TMEM120A: variants seen among roughly 807,000 people sequenced by gnomAD.
The protein encoded by TMEM120A is ion channel TACAN.
Under a neutral mutation model 54.3 loss-of-function variants are expected in TMEM120A, and 45 were observed. The ratio of observed to expected loss-of-function variants is 0.83; its 90% confidence interval spans 0.65 to 1.06. TMEM120A has a LOEUF of 1.06. TMEM120A is among the 50% of genes least tolerant of loss of function. TMEM120A has a pLI of 0.00. For synonymous variants in TMEM120A, 204 were observed against 178.5 expected, an observed-to-expected ratio of 1.14 and a Z score of -1.14; for missense variants, 424 against 441.7, an observed-to-expected ratio of 0.96 and a Z score of 0.36.
chr7:75,990,178 G>C (rs1427564594), intron 3 of TMEM120A, among the ~76,000 whole-genome samples: 2 of 152,092 alleles, frequency 1.3e-5, no homozygotes, highest in African/African-American at 2.4e-5. Context: ...TCCCCACTCA[G>C]CTCGCCATCT....
In TMEM120A at chr7:75,988,414, C is replaced by T. The variant is rs151036667; in HGVS notation, c.473+7G>A. 1.6e-4 allele frequency: 262 copies of T among 1,610,248 alleles called. No individual in the cohort carries two copies. The highest frequency in any genetic ancestry group is 2.0e-4 in the Non-Finnish European group (233 of 1,178,760). ...GGGTGGGTCCTCGGCCGGGGTGGGA[C>T]GCCCACCTGGAGTTGAGCAGGAAGC... On this transcript the variant is annotated splice_region_variant and intron_variant, in intron 5 of 11. Transcript: ENST00000493111.
Position 75,994,498 on chromosome 7 carries a change from T to C in TMEM120A, c.73A>G (p.Asn25Asp), listed in dbSNP as rs1212705862. The C allele has an allele frequency of 1.9e-5, 30 of 1,566,394 alleles. No individual in the cohort carries two copies. Among genetic ancestry groups the C allele is most frequent in the African/African-American group, 2.7e-5 (2 of 73,264 alleles). ...DWEDLQQDFQ[N>D]IQETHRLYRL... is the part of the protein sequence containing the mutation. ...TCCGCAGCGGCGCTAACCTGGATGT[T>C]CTGGAAGTCCTGCTGTAGATCCTCC... The change falls in exon 1 of 12, where the codon AAC becomes GAC. Residue 25 changes from asparagine to aspartate, a missense_variant. Asn to Asp is a conservative substitution (Grantham distance 23). Coordinates refer to ENST00000493111, the MANE Select transcript of TMEM120A (RefSeq NM_031925.3).
chr7:75,993,892 C>T (rs1789940789), intron 1 of TMEM120A, among the ~76,000 whole-genome samples: 1 of 152,162 alleles, frequency 6.6e-6, no homozygotes, highest in African/African-American at 2.4e-5. Flanking sequence ...TTTCCACTGG[C>T]CTCGGAGGGA....
At chr7:75,994,071 G>A (rs1034771054) in intron 1 of TMEM120A, among the ~76,000 whole-genome samples, 1 of 151,798 alleles carries the variant, frequency 6.6e-6, no homozygotes, top group Non-Finnish European at 1.5e-5. Context: ...TGCCTGGGGC[G>A]TCCCCCATCC....
chr7:75,990,919 A>AAAAC (rs1229301163), intron 3 of TMEM120A, among the ~76,000 whole-genome samples: 1 of 149,908 alleles, frequency 6.7e-6, no homozygotes, highest in African/African-American at 2.5e-5. Flanking sequence ...AAAAAAAAAA[A>AAAAC]AGTCTCCTAG....
chr7:75,987,105 G>T lies in TMEM120A; in HGVS notation c.*67C>A. ...CCTGATACACGCACACTCGAGGGGC[G>T]CCTCCCATCCCCTCCCACAACACAC... is the stretch of plus-strand genomic sequence containing the variant. On this transcript the variant is annotated 3_prime_UTR_variant, in exon 12 of 12. Coordinates refer to ENST00000493111, the MANE Select transcript of TMEM120A (RefSeq NM_031925.3). 7.5e-7 allele frequency: 1 copy of T among 1,332,688 alleles called. No homozygotes were observed. Among genetic ancestry groups the T allele is most frequent in the Non-Finnish European group, 1.1e-6 (1 of 947,662 alleles). The allele number at this position is 1,332,688 out of a possible 1,614,324, so 82.6% of individuals were successfully genotyped here.
rs782555331 is a variant in TMEM120A, at chr7:75,988,440, G to A, written c.454C>T (p.Arg152Cys). The A allele has an allele frequency of 3.5e-5, 57 of 1,611,174 alleles. No individual in the cohort carries two copies. The highest frequency in any genetic ancestry group is 4.5e-5 in the East Asian group (2 of 44,674). The part of the protein sequence containing the change: ...IILILISFTC[R>C]FLLNSRVTDA... ...GCCCACCTGGAGTTGAGCAGGAAGC[G>A]GCAAGTGAAGGAGATGAGGATGAGG... is the stretch of plus-strand genomic sequence containing the variant. Residue 152 changes from arginine (R) to cysteine (C), a missense_variant, in exon 5 of 12, where the codon CGC (arginine) becomes TGC (cysteine). Arg to Cys is a radical substitution (Grantham distance 180, BLOSUM62 -3). Coordinates refer to ENST00000493111, the MANE Select transcript of TMEM120A (RefSeq NM_031925.3).
chr7:75,992,059 G>A (rs782026577), intron 3 of TMEM120A, 85 bp downstream of exon 3: 1 of 975,164 alleles, frequency 1.0e-6, no homozygotes, highest in Non-Finnish European at 1.6e-6. Flanking sequence ...GGGAACATTT[G>A]CTGACTATAA....
Position 75,989,237 on chromosome 7 carries a change from G to A in TMEM120A, c.318-13C>T, listed in dbSNP as rs190822795. ...GCTCAGGTACAATCTAGGGAAGGGG[G>A]TGGCGGGGTGAGGAGAAGCCCGAGT... On this transcript the variant is annotated splice_polypyrimidine_tract_variant and intron_variant, in intron 3 of 11. Transcript: ENST00000493111. 1.6e-5 allele frequency: 25 copies of A among 1,551,138 alleles called. No individual in the cohort carries two copies. The highest frequency in any genetic ancestry group is 4.1e-5 in the African/African-American group (3 of 72,970).
At position 75,992,023 on chromosome 7, in the gene TMEM120A, T is replaced by C. The variant is rs1034085797; in HGVS notation, c.317+121A>G. 6.8e-5 allele frequency: 46 copies of C among 674,170 alleles called. No individual in the cohort carries two copies. The African/African-American group carries it at 8.2e-4, about 12-fold the overall frequency. The allele number at this position is 674,170 out of a possible 1,614,324, so 41.8% of individuals were successfully genotyped here. On this transcript the variant is annotated intron_variant, in intron 3 of 11. Transcript: ENST00000493111. Reference sequence around the variant, plus strand: ...TCTCCCCTGAAGTCAGCACTGTGCCTCATTGCTCAGCCTGTACTGGGCCCA... The same window carrying C: ...TCTCCCCTGAAGTCAGCACTGTGCCCCATTGCTCAGCCTGTACTGGGCCCA...
At chr7:75,993,159 CTT>C (rs1413251443) in intron 1 of TMEM120A, among the ~76,000 whole-genome samples, 8 of 152,142 alleles carry the variant, frequency 5.3e-5, no homozygotes, top group East Asian at 3.9e-4. Context: ...AGGACAGACT[CTT>C]TCTCCTACCT....
Position 75,987,276 on chromosome 7 carries a change from A to G in TMEM120A, c.928T>C (p.Cys310Arg), listed in dbSNP as rs782209158. ...PQCKEWQVLMCGFPFLLLFLG... is the reference protein window; with the variant it reads ...PQCKEWQVLMRGFPFLLLFLG... ...AAAAGGAGGAGGAAGGGAAAGCCGC[A>G]CATAAGCACCTGCCGGAGGAATAGG... is the stretch of plus-strand genomic sequence containing the variant. The change falls in exon 12 of 12, where the codon TGC (cysteine) becomes CGC (arginine). Residue 310 changes from cysteine to arginine, a missense_variant. Cys to Arg is a radical substitution (Grantham distance 180). Coordinates refer to ENST00000493111, the MANE Select transcript of TMEM120A (RefSeq NM_031925.3). 1 of 1,600,848 alleles carries G rather than the reference A, an allele frequency of 6.2e-7. No homozygotes were observed. Among genetic ancestry groups the G allele is most frequent in the Non-Finnish European group, 8.5e-7 (1 of 1,174,458 alleles).
In TMEM120A at chr7:75,987,127, A is replaced by C; in HGVS notation, c.*45T>G. 8 of 1,505,932 alleles carry C rather than the reference A, an allele frequency of 5.3e-6. No individual in the cohort carries two copies. The South Asian group carries it at 9.6e-5, about 18-fold the overall frequency. 93.3% of individuals were successfully genotyped at this position (1,505,932 alleles called of 1,614,324 possible). A position where few individuals can be genotyped will look rare whatever the true frequency, so the allele number is the denominator to read the frequency against. ...GGCGCCTCCCATCCCCTCCCACAAC[A>C]CACAGGACAGAAGCCCCTCTGGGCC... On this transcript the variant is annotated 3_prime_UTR_variant, in exon 12 of 12. Transcript: ENST00000493111.
intron 1 of TMEM120A, 67 bp downstream of exon 1, chr7:75,994,423 C>T (rs536909709): frequency 6.9e-7 from 1 of 1,453,768 alleles, no homozygotes; most frequent in East Asian, 2.5e-5. Flanking sequence ...CCAGGGCTGC[C>T]CGACCCTTGA....
Position 75,992,537 on chromosome 7 carries a change from G to A in TMEM120A, c.102C>T (p.Arg34=), listed in dbSNP as rs782556700. 7 of 1,582,412 alleles carry A rather than the reference G, an allele frequency of 4.4e-6. No homozygotes were observed. The African/African-American group carries it at 9.4e-5, about 21-fold the overall frequency. ...GTTTGGTCAGCTCCTCCAGCTTCAG[G>A]CGGTAGAGCCGATGGGTCTCCTGGG... is the stretch of plus-strand genomic sequence containing the variant. The part of the protein sequence containing the change: ...QNIQETHRLY[R]LKLEELTKLQ... The change falls in exon 2 of 12, where the codon CGC becomes CGT. Residue 34 remains arginine, a synonymous_variant. Transcript: ENST00000493111.
rs1326759436 is a variant in TMEM120A, at chr7:75,992,473, T to G, written c.166A>C (p.Lys56Gln). 36 of 1,598,022 alleles carry G rather than the reference T, an allele frequency of 2.3e-5. No homozygotes were observed. The Admixed American group carries it at 2.3e-4, about 10-fold the overall frequency. The stretch of plus-strand genomic sequence containing the variant: ...GCGAGGGCCAGCTCCTGGAGCCGCT[T>G]CTTCTGCCGCGTGATGGAGCTGGTG... Reference protein sequence around the residue: ...NCTSSITRQKKRLQELALALK... With the variant: ...NCTSSITRQKQRLQELALALK... The change falls in exon 2 of 12, where the codon AAG becomes CAG. Residue 56 changes from lysine to glutamine, a missense_variant. Coordinates refer to ENST00000493111, the MANE Select transcript of TMEM120A (RefSeq NM_031925.3).
chr7:75,992,296 A>G, intron 2 of TMEM120A, 36 bp from the exon 3 acceptor site: 1 of 1,575,430 alleles, frequency 6.3e-7, no homozygotes, highest in South Asian at 1.1e-5. Context: ...GGGCAAGAGG[A>G]CTCCCAAGTG....
Position 75,987,610 on chromosome 7 carries a change from G to A in TMEM120A, c.785-8C>T, listed in dbSNP as rs782747262. ...TCCAGGACTGGAAGCCCTCTGCGGG[G>A]AGGAAGGTCAGGGCACAGGACGGCC... On this transcript the variant is annotated splice_polypyrimidine_tract_variant and splice_region_variant and intron_variant, in intron 9 of 11. Transcript: ENST00000493111. The A allele has an allele frequency of 2.5e-6, 4 of 1,608,152 alleles. No individual in the cohort carries two copies. Among genetic ancestry groups the A allele is most frequent in the East Asian group, 4.5e-5 (2 of 44,680 alleles).
intron 1 of TMEM120A, among the ~76,000 whole-genome samples, chr7:75,993,358 T>C (rs1388677777): frequency 6.6e-6 from 1 of 152,240 alleles, no homozygotes; most frequent in African/African-American, 2.4e-5. Context: ...TAGAGCCTCC[T>C]GCTCTAAGGC....
Sources: allele counts gnomAD v4.1 joint callset (sites outside exome capture counted in the v4.1 genomes callset), GRCh38; gene constraint gnomAD v4.1.1; transcripts MANE v1.5; gene names NCBI Gene and HGNC (gene_info 2026-07-23, HGNC 2026-07-21).